GABPA: variants seen among roughly 807,000 people sequenced by gnomAD.
GABPA encodes the protein GA binding protein transcription factor subunit alpha, also known as GA-binding protein alpha chain.
A neutral mutation model predicts 59.4 loss-of-function variants in GABPA; 4 were observed. The ratio of observed to expected loss-of-function variants is 0.07; its 90% CI spans 0.03 to 0.15. The LOEUF (loss-of-function observed/expected upper bound fraction) is 0.15, where lower values mean the gene tolerates loss of function less well. Ranked by LOEUF, GABPA falls within the 10% of genes least tolerant of loss-of-function variation. The pLI is 1.00. For missense variants in GABPA, 251 were observed against 543.8 expected (o/e 0.46, Z 5.36); for synonymous variants, 164 against 183.1 (o/e 0.90, Z 0.84).
chr21:25,764,393 A>C (rs557070420), intron 8 of GABPA, 43 bp downstream of exon 8: 5 of 1,516,116 alleles, frequency 3.3e-6, no homozygotes, highest in Non-Finnish European at 4.5e-6. Flanking sequence ...TATCTATCTA[A>C]TTAGGTATAT....
chr21:25,760,906 T>C (rs2035750892), intron 6 of GABPA, among the ~76,000 whole-genome samples: 1 of 151,782 alleles, frequency 6.6e-6, no homozygotes, highest in South Asian at 2.1e-4. Context: ...GTCTTGAGAG[T>C]TTCCAGGAAA....
At chr21:25,763,262 C>G in intron 7 of GABPA, 1 of 390,148 alleles carries the variant, frequency 2.6e-6, no homozygotes, top group Non-Finnish European at 5.0e-6. Flanking sequence ...CTGCTGAGCT[C>G]TTTTGGGGCA....
chr21:25,752,694 G>T (rs1033464030), intron 5 of GABPA, among the ~76,000 whole-genome samples: 1 of 152,164 alleles, frequency 6.6e-6, no homozygotes, highest in African/African-American at 2.4e-5. Flanking sequence ...AGACCTGGGG[G>T]TATGCATGAG....
chr21:25,755,369 G>T (rs1053629885), intron 5 of GABPA, among the ~76,000 whole-genome samples: 1 of 148,406 alleles, frequency 6.7e-6, no homozygotes, highest in Non-Finnish European at 1.5e-5. Flanking sequence ...TCTGGAGCTT[G>T]AGGCTATAGA....
chr21:25,766,634 C>A (rs2035896326), intron 9 of GABPA, among the ~76,000 whole-genome samples: 1 of 151,766 alleles, frequency 6.6e-6, no homozygotes, highest in African/African-American at 2.4e-5. Context: ...AATTGAAAAC[C>A]ATAATTAAAT....
intron 7 of GABPA, chr21:25,762,983 T>G (rs2146095553): frequency 2.6e-6 from 1 of 382,432 alleles, no homozygotes; most frequent in Non-Finnish European, 5.0e-6. Context: ...TTGCTTGGCT[T>G]TTCCCCTTTC....
intron 9 of GABPA, among the ~76,000 whole-genome samples, chr21:25,768,644 G>A (rs1841513836): frequency 6.6e-6 from 1 of 151,972 alleles, no homozygotes; most frequent in Non-Finnish European, 1.5e-5. Flanking sequence ...AAAAATGTTA[G>A]GTTTTGAATC....
chr21:25,762,960 G>A (rs1382084402), intron 7 of GABPA: 9 of 368,062 alleles, frequency 2.4e-5, no homozygotes, highest in East Asian at 7.5e-5. Flanking sequence ...ACCCTTCGCC[G>A]CCTCCACTAC....
At chr21:25,750,313 G>A (rs2035477466) in intron 4 of GABPA, among the ~76,000 whole-genome samples, 1 of 152,208 alleles carries the variant, frequency 6.6e-6, no homozygotes, top group Non-Finnish European at 1.5e-5. Flanking sequence ...GTCACCTCCT[G>A]TTGTGTGGTC....
At position 25,764,657 on chromosome 21, in the gene GABPA, C is replaced by A. The variant is rs115851866; in HGVS notation, c.1006C>A (p.Arg336=). The change falls in exon 9 of 10, where the codon CGA becomes AGA. Residue 336 remains arginine (R), a synonymous_variant. Coordinates refer to ENST00000400075, the MANE Select transcript of GABPA (RefSeq NM_002040.4). ...AGAACTTCTTACTGATAAGGACGCTCGAGACTGCATTTCTTGGGTTGGTGA... is the reference window on the plus strand; with the variant it reads ...AGAACTTCTTACTGATAAGGACGCTAGAGACTGCATTTCTTGGGTTGGTGA... ...LLELLTDKDA[R]DCISWVGDEG... 395 of 1,612,356 alleles carry A rather than the reference C, an allele frequency of 2.4e-4. No homozygotes were observed. In the East Asian group the frequency reaches 7.3e-3, roughly 30 times the overall value.
chr21:25,750,610 A>G (rs933826898), intron 4 of GABPA, among the ~76,000 whole-genome samples: 1 of 152,206 alleles, frequency 6.6e-6, no homozygotes, highest in African/African-American at 2.4e-5. Context: ...TAGCTTTTTA[A>G]AATTTAGAAT....
chr21:25,766,006 A>G (rs1347651048), intron 9 of GABPA, among the ~76,000 whole-genome samples: 1 of 151,996 alleles, frequency 6.6e-6, no homozygotes, highest in Non-Finnish European at 1.5e-5. Context: ...AAGTGGAAAG[A>G]CTTGTCCCAC....
intron 4 of GABPA, among the ~76,000 whole-genome samples, chr21:25,750,066 C>G (rs193216664): frequency 1.3e-5 from 2 of 152,296 alleles, no homozygotes; most frequent in Admixed American, 6.5e-5. Context: ...GTTTGTTTCC[C>G]TGCAACTAGA....
At chr21:25,740,842 A>G (rs71649667) in intron 1 of GABPA, among the ~76,000 whole-genome samples, 3,734 of 152,332 alleles carry the variant, frequency 0.025, 154 homozygotes, top group African/African-American at 0.085. Context: ...ATTAATTTGC[A>G]TATCATTGTA....
intron 4 of GABPA, among the ~76,000 whole-genome samples, chr21:25,750,748 A>T (rs2035489079): frequency 6.6e-6 from 1 of 152,154 alleles, no homozygotes; most frequent in South Asian, 2.1e-4. Flanking sequence ...TGGGAATAGG[A>T]AATAAATTAG....
chr21:25,754,710 C>G (rs2035592203), intron 5 of GABPA, among the ~76,000 whole-genome samples: 1 of 151,908 alleles, frequency 6.6e-6, no homozygotes, highest in Admixed American at 6.6e-5. Flanking sequence ...TGTTTTTAAC[C>G]TTTCCCAAGT....
chr21:25,752,749 A>G (rs1477213144), intron 5 of GABPA, among the ~76,000 whole-genome samples: 1 of 152,216 alleles, frequency 6.6e-6, no homozygotes, highest in African/African-American at 2.4e-5. Context: ...GTAGCATTAC[A>G]GAACTGTTTT....
intron 8 of GABPA, 95 bp downstream of exon 8, chr21:25,764,445 T>C: frequency 2.8e-6 from 4 of 1,424,582 alleles, no homozygotes; most frequent in Non-Finnish European, 3.8e-6. Flanking sequence ...ATTTGGACTA[T>C]CCCTCTGGCA....
intron 1 of GABPA, among the ~76,000 whole-genome samples, chr21:25,739,144 G>A (rs2035155060): frequency 6.6e-6 from 1 of 152,198 alleles, no homozygotes; most frequent in Non-Finnish European, 1.5e-5. Flanking sequence ...GCAAGCCTGA[G>A]AGCAACCTTA....
Sources: allele counts gnomAD v4.1 joint callset (sites outside exome capture counted in the v4.1 genomes callset), GRCh38; gene constraint gnomAD v4.1.1; transcripts MANE v1.5; gene names NCBI Gene and HGNC (gene_info 2026-07-23, HGNC 2026-07-21).